The following DNAH6 variants were observed in gnomAD, a reference collection of about 807,000 sequenced individuals.
The protein encoded by DNAH6 is axonemal beta dynein heavy chain 6.
DNAH6 carries 340 observed loss-of-function variants against 491.4 expected under a neutral mutation model. The observed-to-expected ratio is 0.69, with a 90% CI of 0.63 to 0.76. The LOEUF (loss-of-function observed/expected upper bound fraction) is 0.76. Ranked by LOEUF, DNAH6 falls within the 30% of genes least tolerant of loss-of-function variation. DNAH6 has a pLI of 0.00. For synonymous variants in DNAH6, 1,603 were observed against 1,686.1 expected (o/e 0.95, Z 1.21); for missense variants, 4,443 against 4,972.2 (o/e 0.89, Z 3.20).
At chr2:84,696,172 A>G (rs1200556052) in intron 46 of DNAH6, among the ~76,000 whole-genome samples, 1 of 151,830 alleles carries the variant, frequency 6.6e-6, no homozygotes, top group Admixed American at 6.6e-5. Context: ...TATATACTAT[A>G]TTTCATATTT....
intron 8 of DNAH6, among the ~76,000 whole-genome samples, chr2:84,548,740 G>A (rs1053355976): frequency 1.2e-4 from 19 of 152,096 alleles, no homozygotes; most frequent in African/African-American, 4.6e-4. Flanking sequence ...TTTTCAAACT[G>A]CCACCAACCA....
At chr2:84,675,810 C>T (rs1294494839) in intron 40 of DNAH6, among the ~76,000 whole-genome samples, 1 of 152,162 alleles carries the variant, frequency 6.6e-6, no homozygotes, top group East Asian at 1.9e-4. Context: ...AGGCGCATGC[C>T]ACCATGCCTG....
chr2:84,677,769 G>A (rs976008968), intron 41 of DNAH6, among the ~76,000 whole-genome samples: 7 of 152,266 alleles, frequency 4.6e-5, no homozygotes, highest in East Asian at 3.9e-4. Context: ...CTAAAGCCCC[G>A]CATAACCAAC....
At chr2:84,739,217 G>A (rs1341306582) in intron 62 of DNAH6, among the ~76,000 whole-genome samples, 1 of 152,104 alleles carries the variant, frequency 6.6e-6, no homozygotes, top group Admixed American at 6.5e-5. Context: ...TAGTCTTATA[G>A]GTTTCCCTTT....
chr2:84,764,383 TC>T (rs1327686968), intron 64 of DNAH6, among the ~76,000 whole-genome samples: 2 of 152,152 alleles, frequency 1.3e-5, no homozygotes, highest in African/African-American at 4.8e-5. Flanking sequence ...TGAAAAGATG[TC>T]CAGCCTTACT....
Position 84,710,324 on chromosome 2 carries a change from G to T in DNAH6, c.9290G>T (p.Gly3097Val), listed in dbSNP as rs1696913147. Residue 3097 changes from glycine (G) to valine (V), a missense_variant, in exon 56 of 77, where the codon GGT (glycine) becomes GTT (valine). By Grantham distance (109) the Gly-to-Val change is moderately radical. Around this residue, in one of 3 missense-constraint regions of DNAH6, gnomAD observed 1,463 missense variants for 1,656.6 expected, o/e 0.88. Coordinates refer to ENST00000389394, the MANE Select transcript of DNAH6 (RefSeq NM_001370.2). Reference sequence around the variant, plus strand: ...ATAAGGAACAAGGAAAGCAAAAGTGGTTTAAAGATCATTAAGCTTACAGAT... The same window carrying T: ...ATAAGGAACAAGGAAAGCAAAAGTGTTTTAAAGATCATTAAGCTTACAGAT... Reference protein sequence around the residue: ...RWIRNKESKSGLKIIKLTDSN... With the variant: ...RWIRNKESKSVLKIIKLTDSN... The T allele has an allele frequency of 1.9e-6, 3 of 1,551,510 alleles. No individual in the cohort carries two copies. Among genetic ancestry groups the T allele is most frequent in the African/African-American group, 1.4e-5 (1 of 73,038 alleles).
chr2:84,800,284 A>G (rs1350308054), intron 70 of DNAH6, among the ~76,000 whole-genome samples: 1 of 152,228 alleles, frequency 6.6e-6, no homozygotes, highest in Admixed American at 6.5e-5. Flanking sequence ...ATTCAAAAAG[A>G]TAAAGAGGCA....
intron 41 of DNAH6, among the ~76,000 whole-genome samples, chr2:84,678,005 A>G (rs556468081): frequency 6.6e-6 from 1 of 152,192 alleles, no homozygotes; most frequent in Non-Finnish European, 1.5e-5. Context: ...GTGGCAATTA[A>G]GTGAACCTCC....
rs114707278 is a variant in DNAH6 at position 84,808,379 on chromosome 2, G to C, written c.11612-36G>C. On this transcript the variant is annotated intron_variant, in intron 71 of 76. Coordinates refer to ENST00000389394, the MANE Select transcript of DNAH6 (RefSeq NM_001370.2). The stretch of plus-strand genomic sequence containing the variant: ...AGCAATATTGTGAGAACAAATCAAT[G>C]GTGACTGGCCTGAGGAATCGCTGTG... 9.3e-3 allele frequency: 13,771 copies of C among 1,474,924 alleles called. 82 individuals are homozygous for C. The highest frequency in any genetic ancestry group is 0.011 in the Non-Finnish European group (12,558 of 1,114,698). 91.4% of individuals were successfully genotyped at this position (1,474,924 alleles called of 1,614,324 possible).
chr2:84,522,159 C>T (rs568759238), intron 2 of DNAH6, among the ~76,000 whole-genome samples: 6 of 151,948 alleles, frequency 3.9e-5, no homozygotes, highest in African/African-American at 1.4e-4. Flanking sequence ...TTGAGCAGTG[C>T]TTTGTAATTT....
chr2:84,517,921 CCAAA>C lies in DNAH6; in HGVS notation c.100_103del (p.Gln34GlufsTer2), dbSNP rs1427955786. 1.3e-6 allele frequency: 2 copies of C among 1,551,668 alleles called. No homozygotes were observed. ...CTTTCAAGACTGAATAATATAAAAG[CCAAA>C]CAAAGAGTGAGTTATGTGACATCCA... On this transcript the variant is annotated frameshift_variant, in exon 2 of 77. Transcript: ENST00000389394. LOFTEE classifies it high-confidence loss of function.
In DNAH6 at chr2:84,817,170, T is replaced by C. The variant is rs117788146; in HGVS notation, c.12373+1087T>C. 3.8e-4 allele frequency among the ~76,000 whole-genome samples: 57 copies of C among 150,956 alleles called. No homozygotes were observed. In the East Asian group the frequency reaches 0.011, roughly 28 times the overall value. On this transcript the variant is annotated intron_variant, in intron 76 of 76. Coordinates refer to ENST00000389394, the MANE Select transcript of DNAH6 (RefSeq NM_001370.2). Reference sequence around the variant, plus strand: ...AACCTAGATATACCAAAGTGATACTTAAGACTGTCAGAGACCAAAAAAAAA... The same window carrying C: ...AACCTAGATATACCAAAGTGATACTCAAGACTGTCAGAGACCAAAAAAAAA...
chr2:84,547,318 T>C lies in DNAH6; in HGVS notation c.981T>C (p.Ser327=). ...TAAATGAATTGTGTTATCATTTGAG[T>C]TTTATGGGACTTTGTTATATTGAAA... ...LKINELCYHL[S]FMGLCYIEKC... The change falls in exon 6 of 77, where the codon AGT becomes AGC. Residue 327 remains serine (S), a synonymous_variant. Transcript: ENST00000389394. 1 of 1,550,968 alleles carries C rather than the reference T, an allele frequency of 6.4e-7. No homozygotes were observed. Among genetic ancestry groups the C allele is most frequent in the Non-Finnish European group, 8.7e-7 (1 of 1,146,680 alleles).
At chr2:84,656,865 T>C (rs183758459) in intron 35 of DNAH6, among the ~76,000 whole-genome samples, 2 of 152,162 alleles carry the variant, frequency 1.3e-5, no homozygotes, top group Admixed American at 1.3e-4. Context: ...TTACCAGTTT[T>C]TTCCCTCATG....
chr2:84,754,302 C>T (rs1019252355), intron 63 of DNAH6, among the ~76,000 whole-genome samples: 18 of 152,176 alleles, frequency 1.2e-4, no homozygotes, highest in African/African-American at 4.3e-4. Flanking sequence ...GCCTCAGCTT[C>T]CCAAGTAGCT....
intron 18 of DNAH6, among the ~76,000 whole-genome samples, chr2:84,601,448 C>T (rs1685237875): frequency 6.6e-6 from 1 of 151,948 alleles, no homozygotes; most frequent in Non-Finnish European, 1.5e-5. Context: ...GAATTGACCC[C>T]TTCATCATTA....
chr2:84,608,251 T>A (rs1368717056), intron 21 of DNAH6, among the ~76,000 whole-genome samples: 2 of 8,070 alleles, frequency 2.5e-4, no homozygotes, highest in East Asian at 0.083. Flanking sequence ...AAGTCATCTA[T>A]AAGGGTTGGA....
chr2:84,551,849 A>G (rs926985137), intron 9 of DNAH6, among the ~76,000 whole-genome samples: 13 of 152,174 alleles, frequency 8.5e-5, no homozygotes, highest in South Asian at 4.1e-4. Context: ...GGAGTTCGAG[A>G]CCAGCCTGGC....
At chr2:84,500,837 G>A in the DNAH6 span, among the ~76,000 whole-genome samples, 1 of 152,042 alleles carries the variant, frequency 6.6e-6, no homozygotes, top group African/African-American at 2.4e-5. Context: ...TTCACTGTTG[G>A]CATATAGAAA....
Sources: allele counts gnomAD v4.1 joint callset (sites outside exome capture counted in the v4.1 genomes callset), GRCh38; gene constraint gnomAD v4.1.1; regional missense constraint gnomAD v4.1.1; transcripts MANE v1.5; gene names NCBI Gene and HGNC (gene_info 2026-07-23, HGNC 2026-07-21).